The following PLCG2 variants were observed in gnomAD, a reference collection of about 807,000 sequenced individuals.
PLCG2 encodes 1-phosphatidylinositol 4,5-bisphosphate phosphodiesterase gamma-2.
A neutral mutation model predicts 175.6 loss-of-function variants in PLCG2; 69 were observed. That is an observed-to-expected ratio of 0.39 (90% CI 0.32 to 0.48). PLCG2 has a LOEUF of 0.48. Ranked by LOEUF, PLCG2 falls within the 20% of genes least tolerant of loss-of-function variation. The probability of loss-of-function intolerance (pLI) is 0.91; values close to 1 mark genes in which losing one functional copy is unlikely to be tolerated. For synonymous variants in PLCG2, 827 were observed against 624.0 expected, an observed-to-expected ratio of 1.33 and a Z score of -4.85; for missense variants, 1,798 against 1,650.9, an observed-to-expected ratio of 1.09 and a Z score of -1.54.
intron 5 of PLCG2, among the ~76,000 whole-genome samples, chr16:81,861,547 T>C (rs997772246): frequency 5.3e-5 from 8 of 152,262 alleles, no homozygotes; most frequent in Non-Finnish European, 8.8e-5. Flanking sequence ...TCATCCAAAA[T>C]GCCCTGCCTG....
At chr16:81,766,795 A>G (rs955247546) in intron 2 of PLCG2, 1 of 152,254 alleles carries the variant, frequency 6.6e-6, no homozygotes, top group Non-Finnish European at 1.5e-5. Flanking sequence ...CTCAGCCAAG[A>G]AGGTACAATC....
At position 81,749,326 on chromosome 16, in the gene PLCG2, C is replaced by G. The variant is rs1018897280; in HGVS notation, c.-144-6544C>G. ...AATTATATGCCTTAAACAAACTAAA[C>G]TTTTTCATTAAATAAATTATATTTT... On this transcript the variant is annotated intron_variant, in intron 1 of 5. Transcript: ENST00000565054. 2.6e-5 allele frequency among the ~76,000 whole-genome samples: 4 copies of G among 152,048 alleles called. No homozygotes were observed. In the South Asian group the frequency reaches 6.2e-4, roughly 24 times the overall value.
chr16:81,796,478 G>A (rs189318873), intron 2 of PLCG2, among the ~76,000 whole-genome samples: 5 of 152,342 alleles, frequency 3.3e-5, no homozygotes, highest in African/African-American at 1.2e-4. Context: ...TCCTGTAAGA[G>A]GACATCGTCT....
intron 18 of PLCG2, 80 bp from the exon 19 acceptor site, chr16:81,912,517 A>T: frequency 6.5e-7 from 1 of 1,541,014 alleles, no homozygotes; most frequent in Non-Finnish European, 8.8e-7. Context: ...CACTGGTGCC[A>T]TTATCTTGTC....
intron 5 of PLCG2, among the ~76,000 whole-genome samples, chr16:81,868,972 G>T (rs941334576): frequency 5.3e-5 from 8 of 152,208 alleles, no homozygotes; most frequent in Non-Finnish European, 1.0e-4. Flanking sequence ...CCTTATTGGG[G>T]CATCACCCTA....
chr16:81,840,068 A>C (rs191154757), intron 2 of PLCG2, among the ~76,000 whole-genome samples: 129 of 152,312 alleles, frequency 8.5e-4, no homozygotes, highest in African/African-American at 2.9e-3. Flanking sequence ...AAAAAAACTT[A>C]AAGAATTATT....
At chr16:81,949,064 T>TAGTGACACCAAAGATAATGTGA (rs1349204901) in intron 31 of PLCG2, among the ~76,000 whole-genome samples, 2 of 152,196 alleles carry the variant, frequency 1.3e-5, no homozygotes, top group Non-Finnish European at 1.5e-5. Context: ...AGATCTGCAT[T>TAGTGACACCAAAGATAATGTGA]AGTGACACCA....
chr16:81,860,806 A>C lies in PLCG2; in HGVS notation c.479+1643A>C, dbSNP rs1003525001. On this transcript the variant is annotated intron_variant, in intron 5 of 32. Coordinates refer to ENST00000564138, the MANE Select transcript of PLCG2 (RefSeq NM_002661.5). ...GGCAACACGGTAAAACCCTGTCTCT[A>C]CTAAAATACAAAAAATTAGCCAGGC... is the stretch of plus-strand genomic sequence containing the variant. Among the ~76,000 whole-genome samples the C allele has an allele frequency of 9.2e-5, 14 of 152,170 alleles. No individual in the cohort carries two copies. The East Asian group carries it at 2.5e-3, about 27-fold the overall frequency.
At chr16:81,881,246 G>GTT (rs34065286) in intron 8 of PLCG2, among the ~76,000 whole-genome samples, 76 of 150,178 alleles carry the variant, frequency 5.1e-4, no homozygotes, top group East Asian at 3.3e-3. Flanking sequence ...CAGGTTAATA[G>GTT]TTTTTTTTTT....
At chr16:81,752,596 G>A (rs1909834877) in intron 1 of PLCG2, among the ~76,000 whole-genome samples, 2 of 152,224 alleles carry the variant, frequency 1.3e-5, no homozygotes, top group South Asian at 2.1e-4. Flanking sequence ...AGCCCCCAAA[G>A]GAGGGGCTGG....
chr16:81,906,806 G>A (rs937021084), intron 15 of PLCG2, among the ~76,000 whole-genome samples: 3 of 152,194 alleles, frequency 2.0e-5, no homozygotes, highest in Non-Finnish European at 2.9e-5. Context: ...TTGGGAGGCC[G>A]AGGAAGGCAG....
chr16:81,845,210 G>A (rs1184484940), intron 2 of PLCG2, among the ~76,000 whole-genome samples: 1 of 152,146 alleles, frequency 6.6e-6, no homozygotes, highest in Non-Finnish European at 1.5e-5. Context: ...CAAAGTGCTG[G>A]AATTATAGGC....
intron 14 of PLCG2, among the ~76,000 whole-genome samples, chr16:81,904,658 T>G (rs1042674587): frequency 6.6e-6 from 1 of 152,134 alleles, no homozygotes; most frequent in African/African-American, 2.4e-5. Context: ...GGTGGTGTTG[T>G]TGTTTATTCA....
At chr16:81,783,872 C>A (rs917426375) in intron 1 of PLCG2, among the ~76,000 whole-genome samples, 1 of 152,098 alleles carries the variant, frequency 6.6e-6, no homozygotes, top group Non-Finnish European at 1.5e-5. Flanking sequence ...CTAGCCTTTG[C>A]TTAAACTTAA....
At chr16:81,744,766 A>G (rs913270888) in intron 1 of PLCG2, among the ~76,000 whole-genome samples, 3 of 151,568 alleles carry the variant, frequency 2.0e-5, no homozygotes, top group African/African-American at 7.3e-5. Context: ...AAGTCTCACT[A>G]TGTTGCCCAG....
At chr16:81,841,467 C>T (rs1305009424) in intron 2 of PLCG2, among the ~76,000 whole-genome samples, 1 of 152,074 alleles carries the variant, frequency 6.6e-6, no homozygotes, top group Non-Finnish European at 1.5e-5. Flanking sequence ...TTTCAAACTC[C>T]TGACCTCAAG....
intron 5 of PLCG2, among the ~76,000 whole-genome samples, chr16:81,861,839 C>T (rs1405224503): frequency 6.6e-6 from 1 of 152,214 alleles, no homozygotes; most frequent in Non-Finnish European, 1.5e-5. Flanking sequence ...ATACCACCCT[C>T]TTGCTCAGGA....
At chr16:81,948,417 C>T (rs1442649094) in intron 31 of PLCG2, among the ~76,000 whole-genome samples, 1 of 152,140 alleles carries the variant, frequency 6.6e-6, no homozygotes, top group Non-Finnish European at 1.5e-5. Context: ...CTGGCTGCCC[C>T]ACGACCTGTT....
At chr16:81,877,509 A>G (rs953294375) in intron 7 of PLCG2, among the ~76,000 whole-genome samples, 1 of 152,226 alleles carries the variant, frequency 6.6e-6, no homozygotes, top group African/African-American at 2.4e-5. Context: ...ACTGGAGGTT[A>G]AAAGTCCAAA....
Sources: gnomAD v4.1 joint callset for allele counts (sites outside exome capture counted in the v4.1 genomes callset) on GRCh38, gnomAD v4.1.1 for gene constraint, MANE v1.5 for transcripts, NCBI Gene and HGNC (gene_info 2026-07-23, HGNC 2026-07-21) for gene names.